The following DPP10 variants were observed in gnomAD, a reference collection of about 807,000 sequenced individuals.
DPP10 encodes inactive dipeptidyl peptidase 10.
DPP10 carries 33 observed loss-of-function variants against 120.9 expected under a neutral mutation model. The observed-to-expected ratio is 0.27, with a 90% CI of 0.21 to 0.37. The LOEUF is 0.37. Among genes scored for constraint, DPP10 ranks in the 10% least tolerant of loss-of-function variants. The pLI, the probability that DPP10 is intolerant of heterozygous loss-of-function variation, is 1.00. For synonymous variants in DPP10, 337 were observed against 326.1 expected (o/e 1.03, Z -0.36); for missense variants, 816 against 942.8 (o/e 0.87, Z 1.76).
At chr2:114,814,023 ACT>A (rs910400065) in intron 1 of DPP10, among the ~76,000 whole-genome samples, 2 of 150,600 alleles carry the variant, frequency 1.3e-5, no homozygotes, top group African/African-American at 4.9e-5. Context: ...CTGTTTTAAA[ACT>A]CTATTATTTA....
chr2:115,760,970 G>A (rs563855383), intron 11 of DPP10, among the ~76,000 whole-genome samples: 3 of 151,976 alleles, frequency 2.0e-5, no homozygotes, highest in African/African-American at 2.4e-5. Flanking sequence ...GGTGGCACAC[G>A]CCTGTAATAC....
At chr2:114,943,938 C>T (rs187276658) in intron 1 of DPP10, among the ~76,000 whole-genome samples, 2 of 152,130 alleles carry the variant, frequency 1.3e-5, no homozygotes, top group African/African-American at 2.4e-5. Context: ...TGTTATTATC[C>T]GACTTTCAAC....
intron 5 of DPP10, among the ~76,000 whole-genome samples, chr2:115,666,439 C>A (rs1464895518): frequency 6.6e-6 from 1 of 152,100 alleles, no homozygotes; most frequent in Non-Finnish European, 1.5e-5. Context: ...AAGAAAACCA[C>A]CCCCATGATC....
intron 1 of DPP10, among the ~76,000 whole-genome samples, chr2:115,099,991 C>T (rs2048599445): frequency 6.6e-6 from 1 of 152,136 alleles, no homozygotes; most frequent in Admixed American, 6.5e-5. Flanking sequence ...GACAGAGACC[C>T]TGTGAGTAGA....
chr2:115,710,815 T>C (rs930415029), intron 7 of DPP10, among the ~76,000 whole-genome samples: 2 of 152,154 alleles, frequency 1.3e-5, no homozygotes, highest in African/African-American at 2.4e-5. Flanking sequence ...ATTTATTAAG[T>C]AATCCTGTTT....
chr2:115,257,152 T>C (rs144676944), intron 1 of DPP10, among the ~76,000 whole-genome samples: 1 of 152,336 alleles, frequency 6.6e-6, no homozygotes, highest in Non-Finnish European at 1.5e-5. Context: ...AAACGTTTCC[T>C]TATCTTCCTG....
chr2:115,709,848 G>T (rs1243748565), intron 7 of DPP10, among the ~76,000 whole-genome samples: 1 of 152,012 alleles, frequency 6.6e-6, no homozygotes, highest in African/African-American at 2.4e-5. Context: ...GAAAAGGAGA[G>T]AATGGAGCAG....
At chr2:115,162,136 C>T (rs1322236205) in intron 1 of DPP10, 4 of 1,530,836 alleles carry the variant, frequency 2.6e-6, no homozygotes, top group African/African-American at 1.4e-5. Flanking sequence ...CCTCTTCTCA[C>T]CCTCCCCCGC....
chr2:114,932,542 G>A (rs542132278), intron 1 of DPP10, among the ~76,000 whole-genome samples: 53 of 152,194 alleles, frequency 3.5e-4, no homozygotes, highest in South Asian at 1.5e-3. Flanking sequence ...AAAGAAACAC[G>A]ACACAAAAGA....
chr2:114,518,305 C>T (rs765530011), intron 1 of DPP10, among the ~76,000 whole-genome samples: 26 of 151,836 alleles, frequency 1.7e-4, no homozygotes, highest in Middle Eastern at 3.2e-3. Context: ...CTCAAACTCC[C>T]GGCCTCAGGT....
intron 1 of DPP10, among the ~76,000 whole-genome samples, chr2:114,615,857 C>G (rs1693635086): frequency 6.6e-6 from 1 of 152,076 alleles, no homozygotes; most frequent in African/African-American, 2.4e-5. Context: ...TATGTTCTAA[C>G]AATTGTGCTG....
At chr2:115,299,193 A>G (rs2061017077) in intron 1 of DPP10, among the ~76,000 whole-genome samples, 1 of 152,040 alleles carries the variant, frequency 6.6e-6, no homozygotes, top group Admixed American at 6.6e-5. Context: ...TCTGTTCCTA[A>G]CATTAACATA....
intron 3 of DPP10, chr2:115,468,120 GA>G (rs2074445453): frequency 4.1e-6 from 2 of 487,056 alleles, no homozygotes; most frequent in African/African-American, 2.0e-5. Flanking sequence ...CTTACAGCAG[GA>G]ACCCACTTAG....
intron 1 of DPP10, among the ~76,000 whole-genome samples, chr2:115,088,171 C>G (rs1255609762): frequency 2.0e-5 from 3 of 152,164 alleles, no homozygotes; most frequent in African/African-American, 7.2e-5. Context: ...GCTCCACTCT[C>G]ATGACCTAAT....
At chr2:114,600,556 A>T (rs775623210) in intron 1 of DPP10, among the ~76,000 whole-genome samples, 6 of 151,778 alleles carry the variant, frequency 4.0e-5, no homozygotes, top group Non-Finnish European at 7.4e-5. Flanking sequence ...TCTCTTGGTT[A>T]TGAAAGAAAT....
intron 1 of DPP10, among the ~76,000 whole-genome samples, chr2:115,308,693 GTT>G (rs3068805): frequency 0.045 from 5,690 of 126,472 alleles, 77 homozygotes; most frequent in South Asian, 0.078. Context: ...ACTAAATCCT[GTT>G]TTTTTTTTTT....
At chr2:115,339,892 G>C (rs764274675) in intron 2 of DPP10, among the ~76,000 whole-genome samples, 4 of 152,170 alleles carry the variant, frequency 2.6e-5, no homozygotes, top group Non-Finnish European at 5.9e-5. Flanking sequence ...CTGTGATGCA[G>C]TTGCGTAGAA....
chr2:115,045,812 T>C (rs913483334), intron 1 of DPP10, among the ~76,000 whole-genome samples: 4 of 152,210 alleles, frequency 2.6e-5, no homozygotes, highest in African/African-American at 9.6e-5. Flanking sequence ...CACTTTGGTG[T>C]TGCTGTTGTG....
At chr2:115,714,314 G>C (rs1191323478) in intron 7 of DPP10, among the ~76,000 whole-genome samples, 3 of 152,176 alleles carry the variant, frequency 2.0e-5, no homozygotes, top group South Asian at 4.2e-4. Flanking sequence ...TTTTCCACTA[G>C]AGCAGAATGC....
Sources: gnomAD v4.1 joint callset for allele counts (sites outside exome capture counted in the v4.1 genomes callset) on GRCh38, gnomAD v4.1.1 for gene constraint, MANE v1.5 for transcripts, NCBI Gene and HGNC (gene_info 2026-07-23, HGNC 2026-07-21) for gene names.